Variants in CNTNAP2 observed in about 807,000 individuals in gnomAD.
CNTNAP2 encodes contactin-associated protein-like 2.
A neutral mutation model predicts 155.2 loss-of-function variants in CNTNAP2; 98 were observed. The ratio of observed to expected loss-of-function variants is 0.63; its 90% confidence interval spans 0.54 to 0.75. The LOEUF is 0.75. CNTNAP2 is among the 30% of genes least tolerant of loss of function. The probability of loss-of-function intolerance (pLI) is 0.00; values close to 1 mark genes in which losing one functional copy is unlikely to be tolerated. For synonymous variants in CNTNAP2, 651 were observed against 631.2 expected, an observed-to-expected ratio of 1.03 and a Z score of -0.47; for missense variants, 1,727 against 1,688.1, an observed-to-expected ratio of 1.02 and a Z score of -0.40.
chr7:147,121,203 C>G, intron 6 of CNTNAP2, 40 bp downstream of exon 6: 1 of 1,581,332 alleles, frequency 6.3e-7, no homozygotes, highest in South Asian at 1.1e-5. Flanking sequence ...AAATGTCAAG[C>G]AATTGTGTCA....
At position 146,881,118 on chromosome 7, in the gene CNTNAP2, A is replaced by T. The variant is rs1447368813; in HGVS notation, c.402+41214A>T. ...TTCCAGAATTTTGAGCCAAGTCTGC[A>T]TTCTTTGCACTGCCATCCAATAGAA... On this transcript the variant is annotated intron_variant, in intron 3 of 23. Transcript: ENST00000361727. Among the ~76,000 whole-genome samples the T allele has an allele frequency of 2.6e-5, 4 of 152,132 alleles. No individual in the cohort carries two copies. The East Asian group carries it at 7.7e-4, about 29-fold the overall frequency.
At chr7:148,082,957 G>A (rs1049844952) in intron 15 of CNTNAP2, among the ~76,000 whole-genome samples, 3 of 151,984 alleles carry the variant, frequency 2.0e-5, no homozygotes, top group East Asian at 3.9e-4. Flanking sequence ...GATTACAGGC[G>A]TGACCCACTG....
chr7:146,922,777 C>G (rs1796531276), intron 3 of CNTNAP2, among the ~76,000 whole-genome samples: 1 of 152,038 alleles, frequency 6.6e-6, no homozygotes, highest in Non-Finnish European at 1.5e-5. Flanking sequence ...AAATGAGATG[C>G]AGCATTTAAC....
intron 3 of CNTNAP2, among the ~76,000 whole-genome samples, chr7:146,936,010 C>G (rs1796906711): frequency 6.6e-6 from 1 of 152,086 alleles, no homozygotes; most frequent in Admixed American, 6.5e-5. Context: ...CAGGTAGTCT[C>G]TCTTCAACAG....
At position 146,492,666 on chromosome 7, in the gene CNTNAP2, T is replaced by C. The variant is rs1338445279; in HGVS notation, c.98-281605T>C. On this transcript the variant is annotated intron_variant, in intron 1 of 23. Transcript: ENST00000361727. ...ACTAAGGTTCATGCTTCTTTCATCT[T>C]GCTTTGGTTTCTCAGTTGCTTTATC... is the stretch of plus-strand genomic sequence containing the variant. Among the ~76,000 whole-genome samples, 12 of 152,230 alleles carry C rather than the reference T, an allele frequency of 7.9e-5. No individual in the cohort carries two copies. In the East Asian group the frequency reaches 2.3e-3, roughly 29 times the overall value.
chr7:147,748,973 T>A (rs74963383), intron 13 of CNTNAP2, among the ~76,000 whole-genome samples: 6,978 of 152,202 alleles, frequency 0.046, 499 homozygotes, highest in African/African-American at 0.16. Context: ...GGACTGACAA[T>A]GAGTGAGAAT....
At chr7:148,058,637 C>T (rs577441775) in intron 15 of CNTNAP2, among the ~76,000 whole-genome samples, 2 of 152,078 alleles carry the variant, frequency 1.3e-5, no homozygotes, top group Non-Finnish European at 2.9e-5. Context: ...CCTTGCAAGG[C>T]GTGTCGCTTG....
intron 21 of CNTNAP2, among the ~76,000 whole-genome samples, chr7:148,271,274 A>G (rs1348793948): frequency 6.6e-6 from 1 of 152,240 alleles, no homozygotes; most frequent in Non-Finnish European, 1.5e-5. Flanking sequence ...GGGGTTTCCC[A>G]ACAGCAGAAC....
intron 13 of CNTNAP2, among the ~76,000 whole-genome samples, chr7:147,842,046 AAAAT>A (rs1350143970): frequency 2.0e-5 from 3 of 152,238 alleles, no homozygotes; most frequent in East Asian, 1.9e-4. Context: ...ATTATCATTA[AAAAT>A]AAATACATAT....
At chr7:146,561,315 A>G (rs936923924) in intron 1 of CNTNAP2, among the ~76,000 whole-genome samples, 4 of 152,200 alleles carry the variant, frequency 2.6e-5, no homozygotes, top group African/African-American at 9.7e-5. Context: ...AGGGGCCATT[A>G]CAAAAGTATG....
intron 12 of CNTNAP2, among the ~76,000 whole-genome samples, chr7:147,603,012 G>T (rs963420757): frequency 2.0e-5 from 3 of 152,054 alleles, no homozygotes; most frequent in African/African-American, 7.2e-5. Context: ...GTAATGGGAT[G>T]GCAGGGTCAA....
At chr7:146,971,369 A>G (rs1002396975) in intron 3 of CNTNAP2, among the ~76,000 whole-genome samples, 3 of 152,168 alleles carry the variant, frequency 2.0e-5, no homozygotes, top group African/African-American at 7.2e-5. Flanking sequence ...CTTTCTTTTG[A>G]GGAAAAAATA....
chr7:148,029,744 A>G (rs1197820797), intron 15 of CNTNAP2, among the ~76,000 whole-genome samples: 1 of 152,216 alleles, frequency 6.6e-6, no homozygotes, highest in Non-Finnish European at 1.5e-5. Context: ...CACCACATAT[A>G]AATTTGTAGA....
At chr7:147,164,370 C>T (rs183165097) in intron 8 of CNTNAP2, among the ~76,000 whole-genome samples, 23 of 152,322 alleles carry the variant, frequency 1.5e-4, no homozygotes, top group African/African-American at 5.3e-4. Context: ...TTAGGCTCTG[C>T]GCCAAGCAGG....
In CNTNAP2 at chr7:147,339,379, A is replaced by G. The variant is rs183572782; in HGVS notation, c.1498+39089A>G. Among the ~76,000 whole-genome samples the G allele has an allele frequency of 3.3e-3, 496 of 152,110 alleles. 3 individuals are homozygous for G. Among genetic ancestry groups the G allele is most frequent in the African/African-American group, 8.9e-3 (371 of 41,496 alleles). ...ATAACAGTAGGTCATTATAAAGAAT[A>G]TGACTTCTTCTTTCATTATGTGAAC... On this transcript the variant is annotated intron_variant, in intron 9 of 23. Coordinates refer to ENST00000361727, the MANE Select transcript of CNTNAP2 (RefSeq NM_014141.6).
At chr7:147,282,432 G>A (rs560954485) in intron 8 of CNTNAP2, among the ~76,000 whole-genome samples, 12 of 152,062 alleles carry the variant, frequency 7.9e-5, no homozygotes, top group African/African-American at 2.9e-4. Context: ...TGAGAGCAGA[G>A]TGAAGATTGA....
At chr7:147,690,049 C>T (rs1228205409) in intron 13 of CNTNAP2, among the ~76,000 whole-genome samples, 2 of 152,244 alleles carry the variant, frequency 1.3e-5, no homozygotes, top group South Asian at 2.1e-4. Flanking sequence ...TCCCTTCCTT[C>T]CTTTCTTCCT....
At chr7:147,929,758 C>G (rs1405658741) in intron 14 of CNTNAP2, among the ~76,000 whole-genome samples, 1 of 152,166 alleles carries the variant, frequency 6.6e-6, no homozygotes, top group African/African-American at 2.4e-5. Context: ...AAAATACATA[C>G]AGAGCAGTGT....
At chr7:146,315,120 C>T (rs537213209) in intron 1 of CNTNAP2, among the ~76,000 whole-genome samples, 2 of 152,254 alleles carry the variant, frequency 1.3e-5, no homozygotes, top group East Asian at 1.9e-4. Context: ...AGAGACTGAC[C>T]TGTTAAAGGC....
Sources: allele counts gnomAD v4.1 joint callset (sites outside exome capture counted in the v4.1 genomes callset), GRCh38; gene constraint gnomAD v4.1.1; transcripts MANE v1.5; gene names NCBI Gene and HGNC (gene_info 2026-07-23, HGNC 2026-07-21).